The following TRAPPC13 variants were observed in gnomAD, a reference collection of about 807,000 sequenced individuals.
The protein encoded by TRAPPC13 is trafficking protein particle complex subunit 13, also known as REV7-interacting novel NHEJ regulator 1.
In TRAPPC13, 39 loss-of-function variants were observed where a neutral mutation model predicts 54.0. The ratio of observed to expected loss-of-function variants is 0.72; its 90% CI spans 0.56 to 0.94. The LOEUF (loss-of-function observed/expected upper bound fraction) is 0.94. Among genes scored for constraint, TRAPPC13 ranks in the 40% least tolerant of loss-of-function variants. The pLI, the probability that TRAPPC13 is intolerant of heterozygous loss-of-function variation, is 0.00. For synonymous variants in TRAPPC13, 148 were observed against 167.7 expected (o/e 0.88, Z 0.91); for missense variants, 386 against 488.1 (o/e 0.79, Z 1.97).
chr5:65,657,252 C>T (rs541407773), intron 8 of TRAPPC13, among the ~76,000 whole-genome samples: 18 of 143,612 alleles, frequency 1.3e-4, no homozygotes, highest in African/African-American at 4.4e-4. Flanking sequence ...TATGATATTG[C>T]GCGCCTATAA....
chr5:65,653,112 AAG>A (rs1237703539), intron 7 of TRAPPC13, among the ~76,000 whole-genome samples: 1 of 143,054 alleles, frequency 7.0e-6, no homozygotes, highest in Non-Finnish European at 1.6e-5. Flanking sequence ...CCTAAAAAAA[AAG>A]AGATAAAATA....
At chr5:65,630,550 A>T in intron 1 of TRAPPC13, 1 of 1,235,272 alleles carries the variant, frequency 8.1e-7, no homozygotes, top group Non-Finnish European at 1.0e-6. Context: ...TGAAGGTAAA[A>T]ATGTTCTGTT....
rs1561773594 is a variant in TRAPPC13, at chr5:65,651,856, T to TG, written c.502-645_502-644insG. ...AACGTGATTCAGTTTTTTTTTTTTT[T>TG]TTTTTTTTTTTTTTTTTTTTTTTTG... On this transcript the variant is annotated intron_variant, in intron 6 of 12. Transcript: ENST00000399438. Among the ~76,000 whole-genome samples, 284 of 107,328 alleles carry TG rather than the reference T, an allele frequency of 2.6e-3. 3 individuals carry two copies. Among genetic ancestry groups the TG allele is most frequent in the African/African-American group, 0.011 (261 of 23,436 alleles). The allele number at this position is 107,328 out of a possible 152,430, so 70.4% of individuals were successfully genotyped here. A position where few individuals can be genotyped will look rare whatever the true frequency, so the allele number is the denominator to read the frequency against.
chr5:65,626,587 T>G (rs954789320), intron 1 of TRAPPC13, among the ~76,000 whole-genome samples: 19 of 151,966 alleles, frequency 1.3e-4, no homozygotes, highest in Admixed American at 5.2e-4. Context: ...ATACAAAAAG[T>G]TAGCCAGGCG....
rs967223433 is a variant in TRAPPC13, at chr5:65,665,488, C to T, written c.*877C>T. On this transcript the variant is annotated 3_prime_UTR_variant, in exon 13 of 13. Transcript: ENST00000399438. Reference sequence around the variant, plus strand: ...TATACCTACAAACATACATATCTTTCAGCTACTGAACACATCAGAATTGGT... The same window carrying T: ...TATACCTACAAACATACATATCTTTTAGCTACTGAACACATCAGAATTGGT... 1 of 152,078 alleles carries T rather than the reference C, an allele frequency of 6.6e-6. No individual in the cohort carries two copies. Among genetic ancestry groups the T allele is most frequent in the Non-Finnish European group, 1.5e-5 (1 of 68,008 alleles). 9.4% of individuals were successfully genotyped at this position (152,078 alleles called of 1,614,324 possible). A position where few individuals can be genotyped will look rare whatever the true frequency, so the allele number is the denominator to read the frequency against.
At chr5:65,635,184 G>A in intron 1 of TRAPPC13, 117 bp from the exon 2 acceptor site, 1 of 858,702 alleles carries the variant, frequency 1.2e-6, no homozygotes, top group Non-Finnish European at 1.8e-6. Context: ...TATTTAGGAA[G>A]TATTTAGGTT....
chr5:65,664,483 C>A, intron 12 of TRAPPC13, 21 bp from the exon 13 acceptor site: 1 of 1,034,346 alleles, frequency 9.7e-7, no homozygotes, highest in Non-Finnish European at 1.4e-6. Flanking sequence ...AACTTAGACT[C>A]ATCTCTCTCT....
chr5:65,660,723 A>G lies in TRAPPC13; in HGVS notation c.723A>G (p.Ala241=). The change falls in exon 10 of 13, where the codon GCA becomes GCG. Residue 241 remains alanine, a synonymous_variant. Transcript: ENST00000399438. ...GECVSTFGSR[A]YLQPMDTRQY... is the part of the protein sequence containing the mutation. ...GTGTGTCTACGTTTGGGTCAAGAGCATATTTGCAACCAATGGATACACGCC... is the reference window on the plus strand; with the variant it reads ...GTGTGTCTACGTTTGGGTCAAGAGCGTATTTGCAACCAATGGATACACGCC... 1 of 1,611,172 alleles carries G rather than the reference A, an allele frequency of 6.2e-7. No homozygotes were observed. Among genetic ancestry groups the G allele is most frequent in the Non-Finnish European group, 8.5e-7 (1 of 1,178,632 alleles).
chr5:65,637,839 C>A, intron 4 of TRAPPC13, 59 bp downstream of exon 4: 4 of 997,328 alleles, frequency 4.0e-6, no homozygotes, highest in Non-Finnish European at 5.9e-6. Flanking sequence ...TTTTTTTAGG[C>A]CGGGCATGGT....
At chr5:65,660,008 A>AG (rs1756795966) in intron 9 of TRAPPC13, among the ~76,000 whole-genome samples, 1 of 149,742 alleles carries the variant, frequency 6.7e-6, no homozygotes, top group African/African-American at 2.5e-5. Context: ...AAGAAGAAGA[A>AG]GGTAATAGCT....
rs964405532 is a variant in TRAPPC13 at position 65,625,076 on chromosome 5, C to G, written c.16C>G (p.Pro6Ala). ...GCCGGTCAAAATGGAAGTGAATCCC[C>G]CTAAACAGGAGCACCTGCTGGCGCT... MEVNPPKQEHLLALKV... is the reference protein window; with the variant it reads MEVNPAKQEHLLALKV... Residue 6 changes from proline to alanine, a missense_variant, in exon 1 of 13, where the codon CCT (proline) becomes GCT (alanine). Physicochemically the swap from Pro to Ala is conservative, Grantham distance 27 (BLOSUM62 -1). Coordinates refer to ENST00000399438, the MANE Select transcript of TRAPPC13 (RefSeq NM_024941.4). 6.2e-7 allele frequency: 1 copy of G among 1,613,786 alleles called. No homozygotes were observed. Among genetic ancestry groups the G allele is most frequent in the Non-Finnish European group, 8.5e-7 (1 of 1,179,756 alleles).
rs1756497720 is a variant in TRAPPC13, at chr5:65,652,379, A to G, written c.502-122A>G. ...TTTGGAAGAATATTGCATACCTATT[A>G]GAAAAGTCTTTTAACAATTAAAATT... On this transcript the variant is annotated intron_variant, in intron 6 of 12. Transcript: ENST00000399438. 1.9e-5 allele frequency: 8 copies of G among 429,636 alleles called. No homozygotes were observed. In the South Asian group the frequency reaches 3.5e-4, roughly 19 times the overall value. The allele number at this position is 429,636 out of a possible 1,614,324, so 26.6% of individuals were successfully genotyped here.
intron 4 of TRAPPC13, among the ~76,000 whole-genome samples, chr5:65,641,863 A>G (rs552928614): frequency 2.6e-5 from 4 of 151,624 alleles, no homozygotes; most frequent in African/African-American, 7.2e-5. Context: ...CTCCCTGATA[A>G]CACTTTTTCT....
intron 8 of TRAPPC13, among the ~76,000 whole-genome samples, chr5:65,657,177 T>A (rs1356620373): frequency 2.0e-5 from 3 of 151,554 alleles, no homozygotes; most frequent in Non-Finnish European, 4.4e-5. Flanking sequence ...AGGTCAGGAG[T>A]TCTAGACCAG....
chr5:65,631,732 T>C (rs1356381185), intron 1 of TRAPPC13, among the ~76,000 whole-genome samples: 1 of 152,216 alleles, frequency 6.6e-6, no homozygotes, highest in Non-Finnish European at 1.5e-5. Context: ...TTGCTTTTAA[T>C]ACCAAGTTGG....
chr5:65,638,138 A>T (rs867860703), intron 4 of TRAPPC13, among the ~76,000 whole-genome samples: 4 of 149,712 alleles, frequency 2.7e-5, no homozygotes, highest in African/African-American at 9.9e-5. Context: ...AAAAAAAAAG[A>T]AAAAAAGGTT....
intron 4 of TRAPPC13, among the ~76,000 whole-genome samples, chr5:65,641,150 T>C (rs1359520736): frequency 6.6e-6 from 1 of 151,940 alleles, no homozygotes; most frequent in South Asian, 2.1e-4. Flanking sequence ...CTCAAGCAGG[T>C]CTTGAACTCC....
Position 65,664,655 on chromosome 5 carries a change from T to G in TRAPPC13, c.*44T>G, listed in dbSNP as rs777539244. On this transcript the variant is annotated 3_prime_UTR_variant, in exon 13 of 13. Coordinates refer to ENST00000399438, the MANE Select transcript of TRAPPC13 (RefSeq NM_024941.4). ...GGCTTTTCATTTAGTTTCACAGAAC[T>G]GCTCTTTTTGTTACCTTTGTAAAAT... 7.0e-5 allele frequency: 98 copies of G among 1,398,796 alleles called. No homozygotes were observed. The highest frequency in any genetic ancestry group is 9.5e-5 in the Non-Finnish European group (95 of 1,001,134). 86.6% of individuals were successfully genotyped at this position (1,398,796 alleles called of 1,614,324 possible). A position where few individuals can be genotyped will look rare whatever the true frequency, so the allele number is the denominator to read the frequency against.
At chr5:65,636,083 A>G (rs923760897) in intron 3 of TRAPPC13, 40 bp downstream of exon 3, 1 of 1,306,156 alleles carries the variant, frequency 7.7e-7, no homozygotes, top group African/African-American at 1.5e-5. Flanking sequence ...TTGTAAAGCC[A>G]TTACAAATTA....
Sources: gnomAD v4.1 joint callset for allele counts (sites outside exome capture counted in the v4.1 genomes callset) on GRCh38, gnomAD v4.1.1 for gene constraint, MANE v1.5 for transcripts, NCBI Gene and HGNC (gene_info 2026-07-23, HGNC 2026-07-21) for gene names.